Variants in THRB observed in about 807,000 individuals in gnomAD.
THRB encodes the protein thyroid hormone receptor beta.
Under a neutral mutation model 47.8 loss-of-function variants are expected in THRB, and 12 were observed. That is an observed-to-expected ratio of 0.25 (90% CI 0.16 to 0.41). The LOEUF is 0.41. Among genes scored for constraint, THRB ranks in the 10% least tolerant of loss-of-function variants. The probability of loss-of-function intolerance (pLI) is 1.00; values close to 1 mark genes in which losing one functional copy is unlikely to be tolerated. For missense variants in THRB, 348 were observed against 589.2 expected (o/e 0.59, Z 4.24); for synonymous variants, 218 against 212.2 (o/e 1.03, Z -0.24).
rs371402033 is a variant in THRB at position 24,471,925 on chromosome 3, C to G, written c.-261+22727G>C. 3.6e-3 allele frequency among the ~76,000 whole-genome samples: 547 copies of G among 152,312 alleles called. 7 individuals are homozygous for G. Among genetic ancestry groups the G allele is most frequent in the African/African-American group, 0.013 (526 of 41,570 alleles). On this transcript the variant is annotated intron_variant, in intron 1 of 10. Coordinates refer to ENST00000646209, the MANE Select transcript of THRB (RefSeq NM_001354712.2). Reference sequence around the variant, plus strand: ...TTCCCTTTGTTCCTCCCTTTGCCTACTCTTTCCTGTCCCCACAACCAGAAG... The same window carrying G: ...TTCCCTTTGTTCCTCCCTTTGCCTAGTCTTTCCTGTCCCCACAACCAGAAG...
At chr3:24,470,031 A>G (rs1159547852) in intron 1 of THRB, among the ~76,000 whole-genome samples, 2 of 152,202 alleles carry the variant, frequency 1.3e-5, no homozygotes, top group Non-Finnish European at 2.9e-5. Context: ...CTAGAGGGTC[A>G]TTTAGAATCC....
At chr3:24,238,300 G>GGTGTGTTTGT (rs71057661) in intron 3 of THRB, among the ~76,000 whole-genome samples, 1 of 125,672 alleles carries the variant, frequency 8.0e-6, no homozygotes, top group Non-Finnish European at 1.8e-5. Flanking sequence ...GGGTGTGTGG[G>GGTGTGTTTGT]GTGTGTGTGT....
chr3:24,129,799 G>T (rs979657304), intron 9 of THRB, among the ~76,000 whole-genome samples: 2 of 152,228 alleles, frequency 1.3e-5, no homozygotes, highest in African/African-American at 4.8e-5. Flanking sequence ...AAAGACGACA[G>T]GGCCCTGCAC....
chr3:24,133,968 C>T (rs1455462699), intron 8 of THRB, among the ~76,000 whole-genome samples: 1 of 152,190 alleles, frequency 6.6e-6, no homozygotes, highest in Non-Finnish European at 1.5e-5. Context: ...AAGCTCCCCT[C>T]TGCCCTACAG....
chr3:24,389,167 A>G (rs1304019273), intron 1 of THRB, among the ~76,000 whole-genome samples: 1 of 152,100 alleles, frequency 6.6e-6, no homozygotes, highest in Non-Finnish European at 1.5e-5. Context: ...GGATGAATAC[A>G]GATTTTTGGA....
At chr3:24,319,010 T>C (rs1219374720) in intron 2 of THRB, among the ~76,000 whole-genome samples, 1 of 152,244 alleles carries the variant, frequency 6.6e-6, no homozygotes, top group Non-Finnish European at 1.5e-5. Flanking sequence ...CTCACCCATT[T>C]TAGGTGAAAA....
chr3:24,300,194 G>C (rs955025721), intron 2 of THRB, among the ~76,000 whole-genome samples: 1 of 152,108 alleles, frequency 6.6e-6, no homozygotes, highest in Non-Finnish European at 1.5e-5. Flanking sequence ...CTGGTTACAC[G>C]TGACTTTGCT....
intron 3 of THRB, among the ~76,000 whole-genome samples, chr3:24,267,220 CAGT>C (rs1273656721): frequency 1.0e-5 from 1 of 99,878 alleles, no homozygotes; most frequent in African/African-American, 3.8e-5. Context: ...ATAAAATAGT[CAGT>C]GAAGAGGAAA....
chr3:24,257,018 C>G (rs1387566338), intron 3 of THRB, among the ~76,000 whole-genome samples: 2 of 152,000 alleles, frequency 1.3e-5, no homozygotes, highest in Non-Finnish European at 2.9e-5. Flanking sequence ...GATAGGAGTT[C>G]TGGGTTCTCG....
At position 24,120,992 on chromosome 3, in the gene THRB, T is replaced by C. The variant is rs2031574614; in HGVS notation, c.*1892A>G. ...GTTCCTCTTCTTTTTCCAAGGCCTC[T>C]AAATGGTTGACTAGTATTGTGTCAA... On this transcript the variant is annotated 3_prime_UTR_variant, in exon 11 of 11. Transcript: ENST00000646209. 1 of 152,220 alleles carries C rather than the reference T, an allele frequency of 6.6e-6. No homozygotes were observed. 9.4% of individuals were successfully genotyped at this position (152,220 alleles called of 1,614,324 possible).
At chr3:24,184,173 T>C (rs2042274380) in intron 5 of THRB, among the ~76,000 whole-genome samples, 2 of 152,244 alleles carry the variant, frequency 1.3e-5, no homozygotes, top group South Asian at 4.1e-4. Context: ...AAAGCCTGTT[T>C]TTAATTTTTC....
intron 1 of THRB, among the ~76,000 whole-genome samples, chr3:24,358,244 A>C (rs1008718012): frequency 2.0e-5 from 3 of 152,154 alleles, no homozygotes; most frequent in African/African-American, 7.2e-5. Context: ...TATTTATCTG[A>C]CTTTGTTGAT....
At chr3:24,338,154 T>C (rs1012177764) in intron 1 of THRB, among the ~76,000 whole-genome samples, 1 of 152,152 alleles carries the variant, frequency 6.6e-6, no homozygotes, top group African/African-American at 2.4e-5. Context: ...CTACCCCAAA[T>C]ATAAACATTT....
At chr3:24,177,492 A>G (rs921338438) in intron 5 of THRB, among the ~76,000 whole-genome samples, 3 of 141,286 alleles carry the variant, frequency 2.1e-5, no homozygotes, top group African/African-American at 8.1e-5. Flanking sequence ...AATTATGACG[A>G]ATTCACCATC....
At chr3:24,205,739 C>T (rs2045260601) in intron 4 of THRB, among the ~76,000 whole-genome samples, 1 of 152,170 alleles carries the variant, frequency 6.6e-6, no homozygotes, top group Admixed American at 6.5e-5. Flanking sequence ...CATCAGTGTG[C>T]TGTATTCAGG....
At chr3:24,395,168 C>T (rs1442329790) in intron 1 of THRB, among the ~76,000 whole-genome samples, 1 of 151,968 alleles carries the variant, frequency 6.6e-6, no homozygotes, top group African/African-American at 2.4e-5. Flanking sequence ...TATAAAACTC[C>T]TAGAAGAAAA....
At position 24,261,123 on chromosome 3, in the gene THRB, T is replaced by TC. The variant is rs1371302797; in HGVS notation, c.-42-32123dup. Among the ~76,000 whole-genome samples the TC allele has an allele frequency of 7.9e-5, 12 of 152,302 alleles. No homozygotes were observed. In the East Asian group the frequency reaches 2.3e-3, roughly 29 times the overall value. On this transcript the variant is annotated intron_variant, in intron 3 of 10. Transcript: ENST00000646209. Reference sequence around the variant, plus strand: ...TTAGAGACATGTTGCAGAAATTCTCTCCTTTACCTCTTGCCTCATTACTTG... The same window carrying TC: ...TTAGAGACATGTTGCAGAAATTCTCTCCCTTTACCTCTTGCCTCATTACTTG...
chr3:24,313,293 ACTC>A (rs2057886611), intron 2 of THRB, among the ~76,000 whole-genome samples: 1 of 152,012 alleles, frequency 6.6e-6, no homozygotes, highest in South Asian at 2.1e-4. Flanking sequence ...TATGTGCTGA[ACTC>A]CTCAACCTGG....
intron 1 of THRB, among the ~76,000 whole-genome samples, chr3:24,472,396 C>T (rs1027815541): frequency 2.6e-5 from 4 of 152,176 alleles, no homozygotes; most frequent in Admixed American, 6.5e-5. Flanking sequence ...AGGAATCCAG[C>T]CCTCAGTAAC....
Sources: allele counts gnomAD v4.1 joint callset (sites outside exome capture counted in the v4.1 genomes callset), GRCh38; gene constraint gnomAD v4.1.1; transcripts MANE v1.5; gene names NCBI Gene and HGNC (gene_info 2026-07-23, HGNC 2026-07-21).